The following RAB37 variants were observed in gnomAD, a reference collection of about 807,000 sequenced individuals.
RAB37 encodes ras-related protein Rab-37.
In RAB37, 29 loss-of-function variants were observed where a neutral mutation model predicts 33.1. The observed-to-expected ratio is 0.88, with a 90% CI of 0.65 to 1.20. The LOEUF (loss-of-function observed/expected upper bound fraction) is 1.20, where lower values mean the gene tolerates loss of function less well. Among genes scored for constraint, RAB37 ranks in the 50% most tolerant of loss-of-function variants. RAB37 has a pLI of 0.00. For synonymous variants in RAB37, 128 were observed against 119.5 expected, an observed-to-expected ratio of 1.07 and a Z score of -0.47; for missense variants, 299 against 301.1, an observed-to-expected ratio of 0.99 and a Z score of 0.05.
chr17:74,704,339 G>C, intron 1 of RAB37: 2 of 659,190 alleles, frequency 3.0e-6, no homozygotes, highest in South Asian at 3.8e-5. Flanking sequence ...CCCAGTCCCA[G>C]GTGGTCAGTC....
At chr17:74,719,994 C>T (rs2034217891) in intron 1 of RAB37, among the ~76,000 whole-genome samples, 1 of 152,282 alleles carries the variant, frequency 6.6e-6, no homozygotes, top group Middle Eastern at 3.4e-3. Flanking sequence ...GTAACATATA[C>T]ACATTCATCA....
chr17:74,687,436 C>T (rs924847962), intron 1 of RAB37, among the ~76,000 whole-genome samples: 3 of 151,934 alleles, frequency 2.0e-5, no homozygotes, highest in African/African-American at 7.3e-5. Flanking sequence ...GTTGGCCAAG[C>T]TGGTCTCAAA....
intron 1 of RAB37, among the ~76,000 whole-genome samples, chr17:74,716,203 T>A (rs1157649317): frequency 1.3e-5 from 2 of 152,174 alleles, no homozygotes; most frequent in South Asian, 2.1e-4. Flanking sequence ...GCCAGTTATA[T>A]CCCTGGGCTT....
chr17:74,691,042 C>T (rs571394011), intron 1 of RAB37, among the ~76,000 whole-genome samples: 1 of 152,246 alleles, frequency 6.6e-6, no homozygotes, highest in South Asian at 2.1e-4. Flanking sequence ...CCTCAGCCTC[C>T]CAAGTAGCTG....
chr17:74,728,069 T>C (rs115479190), intron 1 of RAB37, among the ~76,000 whole-genome samples: 2,326 of 152,294 alleles, frequency 0.015, 61 homozygotes, highest in African/African-American at 0.053. Flanking sequence ...TGTATATGCA[T>C]GTCTGTGTGT....
rs565117540 is a variant in RAB37, at chr17:74,737,474, G to A, written c.93+109G>A. The A allele has an allele frequency of 2.5e-4, 313 of 1,230,094 alleles. 2 individuals carry two copies. The highest frequency in any genetic ancestry group is 2.3e-3 in the African/African-American group (153 of 66,426). 76.2% of individuals were successfully genotyped at this position (1,230,094 alleles called of 1,614,324 possible). A position where few individuals can be genotyped will look rare whatever the true frequency, so the allele number is the denominator to read the frequency against. On this transcript the variant is annotated intron_variant, in intron 1 of 8. Transcript: ENST00000392613. ...CCCCAGGCAGCTGCGTCTCCCAGAG[G>A]AGGGAGGGAGAGAGGGTCAGGACAC...
intron 1 of RAB37, chr17:74,703,046 G>A: frequency 6.2e-7 from 1 of 1,613,788 alleles, no homozygotes; most frequent in Non-Finnish European, 8.5e-7. Flanking sequence ...TGTTGTCCAA[G>A]TGGTGGCCGG....
At chr17:74,709,801 G>C (rs1408047280) in intron 1 of RAB37, among the ~76,000 whole-genome samples, 1 of 151,868 alleles carries the variant, frequency 6.6e-6, no homozygotes, top group African/African-American at 2.4e-5. Context: ...TCAAACTCCT[G>C]GACTCAACCG....
At chr17:74,716,672 G>A (rs2034168300) in intron 1 of RAB37, among the ~76,000 whole-genome samples, 1 of 152,050 alleles carries the variant, frequency 6.6e-6, no homozygotes, top group Admixed American at 6.6e-5. Context: ...GTTCATATAA[G>A]CCATGCTGCC....
chr17:74,691,526 C>T (rs1000124556), intron 1 of RAB37, among the ~76,000 whole-genome samples: 4 of 152,130 alleles, frequency 2.6e-5, no homozygotes, highest in African/African-American at 7.2e-5. Flanking sequence ...CAGAATGGAT[C>T]GGTCTTCCCA....
At chr17:74,705,419 A>G (rs1164095710) in intron 1 of RAB37, 2 of 537,428 alleles carry the variant, frequency 3.7e-6, no homozygotes, top group African/African-American at 1.9e-5. Flanking sequence ...TCTTTAATGA[A>G]TTGCTTTGAC....
rs201597669 is a variant in RAB37, at chr17:74,744,384, C to G, written c.432+11C>G. ...CTGCTAGGCAACAAGGTGAGTGGCT[C>G]CGGGGCAGGGTCAGCCCAGCCCTGC... On this transcript the variant is annotated intron_variant, in intron 6 of 8. Coordinates refer to ENST00000392613, the MANE Select transcript of RAB37 (RefSeq NM_001006638.3). The surrounding 1 kb of genome is among the most constrained non-coding windows in gnomAD (Gnocchi z 4.2). The G allele has an allele frequency of 6.2e-7, 1 of 1,613,938 alleles. No individual in the cohort carries two copies. Among genetic ancestry groups the G allele is most frequent in the Non-Finnish European group, 8.5e-7 (1 of 1,179,848 alleles).
intron 1 of RAB37, among the ~76,000 whole-genome samples, chr17:74,740,102 G>A (rs1038513319): frequency 2.7e-5 from 4 of 150,916 alleles, no homozygotes; most frequent in Admixed American, 6.6e-5. Flanking sequence ...GTTGTGGTGA[G>A]CCAAGATCTC....
chr17:74,708,960 T>C (rs925378425), intron 1 of RAB37, among the ~76,000 whole-genome samples: 2 of 149,844 alleles, frequency 1.3e-5, no homozygotes, highest in African/African-American at 4.9e-5. Context: ...CACGGTGGTT[T>C]ACACCTGCAA....
intron 1 of RAB37, among the ~76,000 whole-genome samples, chr17:74,685,104 TAA>T (rs920024515): frequency 2.1e-4 from 29 of 138,938 alleles, no homozygotes; most frequent in Admixed American, 1.4e-4. Flanking sequence ...CATTTTGCCT[TAA>T]AAAAAAAAAA....
chr17:74,711,762 C>G (rs184480883), intron 1 of RAB37, among the ~76,000 whole-genome samples: 1 of 152,152 alleles, frequency 6.6e-6, no homozygotes, highest in East Asian at 1.9e-4. Context: ...GGGGTTGTTT[C>G]AGCCCACCTG....
intron 1 of RAB37, among the ~76,000 whole-genome samples, chr17:74,703,928 C>G (rs977481430): frequency 2.0e-5 from 3 of 152,232 alleles, no homozygotes; most frequent in Non-Finnish European, 4.4e-5. Context: ...ACAAATGGCT[C>G]ATGGTGGGAT....
At chr17:74,682,638 A>G (rs2031977438) in intron 1 of RAB37, among the ~76,000 whole-genome samples, 1 of 152,182 alleles carries the variant, frequency 6.6e-6, no homozygotes, top group African/African-American at 2.4e-5. Context: ...GGCGTGGTGG[A>G]TCATGCTTGT....
chr17:74,718,158 G>T (rs566097229), intron 1 of RAB37, among the ~76,000 whole-genome samples: 16 of 152,246 alleles, frequency 1.1e-4, no homozygotes, highest in African/African-American at 3.9e-4. Context: ...GCTGGGCATG[G>T]TGGCACGACC....
Sources: allele counts gnomAD v4.1 joint callset (sites outside exome capture counted in the v4.1 genomes callset), GRCh38; gene constraint gnomAD v4.1.1; non-coding constraint Gnocchi (gnomAD v3.1); transcripts MANE v1.5; gene names NCBI Gene and HGNC (gene_info 2026-07-23, HGNC 2026-07-21).